GRAMD4: variants seen among roughly 807,000 people sequenced by gnomAD.
GRAMD4 encodes the protein GRAM domain containing 4.
Under a neutral mutation model 83.9 loss-of-function variants are expected in GRAMD4, and 25 were observed. That is an observed-to-expected ratio of 0.30 (90% CI 0.22 to 0.42). The LOEUF is 0.42. GRAMD4 is among the 10% of genes least tolerant of loss of function. The probability of loss-of-function intolerance (pLI) is 1.00; values close to 1 mark genes in which losing one functional copy is unlikely to be tolerated. For synonymous variants in GRAMD4, 336 were observed against 320.9 expected (o/e 1.05, Z -0.50); for missense variants, 593 against 788.7 (o/e 0.75, Z 2.97).
chr22:46,658,888 C>T (rs1013765739), intron 4 of GRAMD4, among the ~76,000 whole-genome samples: 4 of 151,600 alleles, frequency 2.6e-5, no homozygotes, highest in African/African-American at 7.3e-5. Flanking sequence ...CTGCACCTGA[C>T]ATCTTTGCTC....
At position 46,677,628 on chromosome 22, in the gene GRAMD4, T is replaced by TC. The variant is rs2082618860; in HGVS notation, c.*380dup. On this transcript the variant is annotated 3_prime_UTR_variant, in exon 19 of 19. Transcript: ENST00000406902. ...CCCAAGAGGTTCTCGCAACCTTGTG[T>TC]CCCGCTCTCCAGAGGCCAGAAGCTC... 4.0e-6 allele frequency: 4 copies of TC among 1,009,104 alleles called. No homozygotes were observed. The highest frequency in any genetic ancestry group is 4.7e-6 in the Non-Finnish European group (4 of 844,392). 62.5% of individuals were successfully genotyped at this position (1,009,104 alleles called of 1,614,324 possible). A position where few individuals can be genotyped will look rare whatever the true frequency, so the allele number is the denominator to read the frequency against.
chr22:46,648,899 CATGGATGGATGGATGGATGG>C, intron 3 of GRAMD4, among the ~76,000 whole-genome samples: 1 of 13,840 alleles, frequency 7.2e-5, no homozygotes, highest in African/African-American at 2.7e-4. Context: ...TGGATGGATG[CATGGATGGATGGATGGATGG>C]ATGGATGGAT....
chr22:46,672,797 T>C lies in GRAMD4; in HGVS notation c.1085-46T>C. The C allele has an allele frequency of 6.6e-7, 1 of 1,520,238 alleles. No individual in the cohort carries two copies. The highest frequency in any genetic ancestry group is 1.4e-5 in the African/African-American group (1 of 73,114). 94.2% of individuals were successfully genotyped at this position (1,520,238 alleles called of 1,614,324 possible). On this transcript the variant is annotated intron_variant, in intron 13 of 18. Transcript: ENST00000406902. The surrounding 1 kb of genome is among the most constrained non-coding windows in gnomAD (Gnocchi z 4.7). ...AACCATCACCCTGAGTAGACTGGCA[T>C]AGCTGCAGAGCTCTAGATGGAGCAG...
chr22:46,637,846 C>T lies in GRAMD4; in HGVS notation c.169C>T (p.Pro57Ser), dbSNP rs753249688. 8 of 1,613,974 alleles carry T rather than the reference C, an allele frequency of 5.0e-6. No homozygotes were observed. The Admixed American group carries it at 1.2e-4, about 24-fold the overall frequency. ...DSEELRDPAG[P>S]GTLIMATGVQ... ...TTTGGTGTTTTTCTTCTAGGCTGGT[C>T]CAGGGACCCTCATCATGGCCACAGG... is the stretch of plus-strand genomic sequence containing the variant. The change falls in exon 3 of 19, where the codon CCA (proline) becomes TCA (serine). Residue 57 changes from proline to serine, a missense_variant. This residue lies in a region of GRAMD4 where 312 missense variants were observed against 350.7 expected (regional missense o/e 0.89). Coordinates refer to ENST00000406902, the MANE Select transcript of GRAMD4 (RefSeq NM_015124.5).
intron 1 of GRAMD4, among the ~76,000 whole-genome samples, chr22:46,593,340 G>A (rs1043861219): frequency 6.6e-6 from 1 of 152,020 alleles, no homozygotes; most frequent in African/African-American, 2.4e-5. Context: ...CGGTCTTGGC[G>A]AGAGACATCC....
intron 1 of GRAMD4, among the ~76,000 whole-genome samples, chr22:46,602,762 CTTTTT>C (rs534249203): frequency 8.2e-6 from 1 of 121,436 alleles, no homozygotes; most frequent in African/African-American, 3.1e-5. Context: ...CCATTTTTCT[CTTTTT>C]TTTTTTTTTT....
chr22:46,615,865 TGC>T (rs768916129), upstream of GRAMD4, among the ~76,000 whole-genome samples: 1 of 90,130 alleles, frequency 1.1e-5, no homozygotes. Context: ...GGTTCCCCTG[TGC>T]GTGTAGGTTC....
At chr22:46,637,224 A>G (rs765208592) in intron 2 of GRAMD4, among the ~76,000 whole-genome samples, 4 of 150,430 alleles carry the variant, frequency 2.7e-5, no homozygotes, top group Middle Eastern at 3.6e-3. Context: ...GATCACAACC[A>G]TCAAGAGACT....
intron 4 of GRAMD4, among the ~76,000 whole-genome samples, 157 bp from the exon 5 acceptor site, chr22:46,661,224 G>A (rs117910767): frequency 0.011 from 1,739 of 152,328 alleles, 18 homozygotes; most frequent in Middle Eastern, 0.024. Flanking sequence ...GGATACGCTC[G>A]GAACCAGCAT....
upstream of GRAMD4, among the ~76,000 whole-genome samples, chr22:46,615,645 T>C (rs1436066538): frequency 3.1e-5 from 3 of 96,316 alleles, no homozygotes; most frequent in Non-Finnish European, 6.2e-5. Flanking sequence ...TAGGTTCCCC[T>C]GTGCGTGTAG....
In GRAMD4 at chr22:46,668,155, C is replaced by T. The variant is rs139953287; in HGVS notation, c.918C>T (p.Ala306=). Residue 306 remains alanine, a synonymous_variant, in exon 11 of 19, where the codon GCC becomes GCT. Coordinates refer to ENST00000406902, the MANE Select transcript of GRAMD4 (RefSeq NM_015124.5). ...SEKFQLVLDV[A]QKAQNLFGKM... ...AGTTCCAGCTGGTGCTGGACGTCGC[C>T]CAGAAAGCCCAGGTACTGCCACGGG... is the stretch of plus-strand genomic sequence containing the variant. The T allele has an allele frequency of 9.9e-4, 1,588 of 1,611,448 alleles. 20 individuals carry two copies. In the African/African-American group the frequency reaches 0.013, roughly 13 times the overall value.
At chr22:46,650,586 G>A (rs1209429675) in intron 3 of GRAMD4, among the ~76,000 whole-genome samples, 1 of 152,244 alleles carries the variant, frequency 6.6e-6, no homozygotes, top group Non-Finnish European at 1.5e-5. Context: ...GACCAGTGAG[G>A]TGGTTGTCCC....
chr22:46,598,919 A>G (rs1323792250), intron 1 of GRAMD4, among the ~76,000 whole-genome samples: 1 of 152,154 alleles, frequency 6.6e-6, no homozygotes, highest in Non-Finnish European at 1.5e-5. Flanking sequence ...CACAGGAGAC[A>G]GGAGCCGCCC....
At chr22:46,657,989 G>A (rs1312214836) in intron 3 of GRAMD4, among the ~76,000 whole-genome samples, 198 bp from the exon 4 acceptor site, 1 of 152,180 alleles carries the variant, frequency 6.6e-6, no homozygotes, top group Non-Finnish European at 1.5e-5. Flanking sequence ...CTCCTGCCCA[G>A]GAGGAAGGGC....
intron 9 of GRAMD4, among the ~76,000 whole-genome samples, chr22:46,666,355 A>ATTC (rs2082408853): frequency 6.6e-6 from 1 of 152,198 alleles, no homozygotes; most frequent in Non-Finnish European, 1.5e-5. Context: ...AAGAGCTGTG[A>ATTC]TTCTGTACTT....
chr22:46,598,052 G>A (rs2081279314), intron 1 of GRAMD4, among the ~76,000 whole-genome samples: 1 of 152,150 alleles, frequency 6.6e-6, no homozygotes, highest in Non-Finnish European at 1.5e-5. Flanking sequence ...CACAATCCCA[G>A]CTCACTGCAA....
At chr22:46,598,084 T>C (rs1368518987) in intron 1 of GRAMD4, among the ~76,000 whole-genome samples, 2 of 152,078 alleles carry the variant, frequency 1.3e-5, no homozygotes, top group African/African-American at 4.8e-5. Context: ...TGGGTTCAAG[T>C]GATTCTTATG....
At chr22:46,619,400 G>A (rs889456276), upstream of GRAMD4, among the ~76,000 whole-genome samples, 6 of 152,136 alleles carry the variant, frequency 3.9e-5, no homozygotes, top group African/African-American at 1.4e-4. Flanking sequence ...GCAGTGGTAC[G>A]ATCGTGGTTC....
intron 2 of GRAMD4, among the ~76,000 whole-genome samples, chr22:46,633,830 A>G (rs2147198364): frequency 6.6e-6 from 1 of 152,162 alleles, no homozygotes; most frequent in South Asian, 2.1e-4. Flanking sequence ...CCGGCCGTAC[A>G]GGGGGTGTTT....
Sources: allele counts gnomAD v4.1 joint callset (sites outside exome capture counted in the v4.1 genomes callset), GRCh38; gene constraint gnomAD v4.1.1; regional missense constraint gnomAD v4.1.1; non-coding constraint Gnocchi (gnomAD v3.1); transcripts MANE v1.5; gene names NCBI Gene and HGNC (gene_info 2026-07-23, HGNC 2026-07-21).